Variants in IL21R observed in about 807,000 individuals in gnomAD.
IL21R encodes interleukin-21 receptor.
A neutral mutation model predicts 41.3 loss-of-function variants in IL21R; 14 were observed. The observed-to-expected ratio is 0.34, with a 90% CI of 0.22 to 0.53. The LOEUF is 0.53. Ranked by LOEUF, IL21R falls within the 20% of genes least tolerant of loss-of-function variation. The pLI is 0.94. For synonymous variants in IL21R, 286 were observed against 287.6 expected (o/e 0.99, Z 0.05); for missense variants, 588 against 681.6 (o/e 0.86, Z 1.53).
chr16:27,407,561 C>T (rs1366727146), intron 1 of IL21R, among the ~76,000 whole-genome samples: 2 of 152,238 alleles, frequency 1.3e-5, no homozygotes, highest in African/African-American at 2.4e-5. Flanking sequence ...TGCGGTGGCT[C>T]ATGCCTGTAA....
chr16:27,444,487 C>T, intron 5 of IL21R, 55 bp from the exon 6 acceptor site: 2 of 1,283,318 alleles, frequency 1.6e-6, no homozygotes, highest in Non-Finnish European at 2.1e-6. Context: ...CTGCTGGAGG[C>T]AGGGGCTGGC....
At chr16:27,448,250 T>C in intron 8 of IL21R, 1 of 332,630 alleles carries the variant, frequency 3.0e-6, no homozygotes, top group Non-Finnish European at 5.5e-6. Flanking sequence ...ACGTCAGGAG[T>C]TCAAGATCAG....
At chr16:27,433,381 G>C (rs1462265147) in intron 2 of IL21R, among the ~76,000 whole-genome samples, 3 of 152,138 alleles carry the variant, frequency 2.0e-5, no homozygotes, top group African/African-American at 4.8e-5. Flanking sequence ...TGGGAGGACT[G>C]CTTGAGCCCA....
rs375856184 is a variant in IL21R, at chr16:27,412,380, C to T, written c.-17+9762C>T. Among the ~76,000 whole-genome samples, 8 of 150,516 alleles carry T rather than the reference C, an allele frequency of 5.3e-5. 1 individual carries two copies. Among genetic ancestry groups the T allele is most frequent in the East Asian group, 3.9e-4 (2 of 5,092 alleles). On this transcript the variant is annotated intron_variant, in intron 1 of 8. Coordinates refer to ENST00000337929, the MANE Select transcript of IL21R (RefSeq NM_181078.3). ...AAATCAGGAAATGTGAGGCCTCCAG[C>T]TTTCTTCTCCTTCTCCTTCTCCTTC...
chr16:27,440,991 C>A (rs1187660781), intron 4 of IL21R, among the ~76,000 whole-genome samples: 3 of 136,932 alleles, frequency 2.2e-5, no homozygotes, highest in Non-Finnish European at 1.5e-5. Context: ...GTGGAGACTG[C>A]AGTGAGCTGA....
chr16:27,425,765 A>G (rs1195897721), intron 1 of IL21R, among the ~76,000 whole-genome samples: 2 of 152,092 alleles, frequency 1.3e-5, no homozygotes, highest in Admixed American at 1.3e-4. Context: ...CGTGTTGGCC[A>G]GGCTGGTCTC....
chr16:27,443,202 GAAC>G lies in IL21R; in HGVS notation c.507+91_507+93del, dbSNP rs1279612977. The stretch of plus-strand genomic sequence containing the variant: ...AGGCATCTGGGTGGGAGAGACGGGT[GAAC>G]AACATCATTCATGGCCAAGAACAGA... On this transcript the variant is annotated intron_variant, in intron 5 of 8. Transcript: ENST00000337929. 4 of 1,244,564 alleles carry G rather than the reference GAAC, an allele frequency of 3.2e-6. No individual in the cohort carries two copies. The African/African-American group carries it at 6.1e-5, about 19-fold the overall frequency. 77.1% of individuals were successfully genotyped at this position (1,244,564 alleles called of 1,614,324 possible).
intron 1 of IL21R, among the ~76,000 whole-genome samples, chr16:27,403,402 C>T (rs192912652): frequency 5.3e-5 from 8 of 152,106 alleles, no homozygotes; most frequent in Non-Finnish European, 1.0e-4. Flanking sequence ...AGACCAGGTG[C>T]GGGACATTCA....
chr16:27,411,302 T>A (rs1437911527), intron 1 of IL21R, among the ~76,000 whole-genome samples: 1 of 152,086 alleles, frequency 6.6e-6, no homozygotes, highest in Non-Finnish European at 1.5e-5. Flanking sequence ...TTCTTTTTTT[T>A]TATAATAACC....
chr16:27,426,894 G>T lies in IL21R; in HGVS notation c.-16-3162G>T, dbSNP rs549160780. On this transcript the variant is annotated intron_variant, in intron 1 of 8. Transcript: ENST00000337929. ...TCAACATGATTAAGCAACATAGGTG[G>T]TTTTTGGCTCATGGGAATGAGAAAT... 4.6e-5 allele frequency among the ~76,000 whole-genome samples: 7 copies of T among 152,238 alleles called. No homozygotes were observed. In the South Asian group the frequency reaches 1.5e-3, roughly 32 times the overall value.
At chr16:27,431,663 T>G (rs1306280397) in intron 2 of IL21R, among the ~76,000 whole-genome samples, 2 of 152,120 alleles carry the variant, frequency 1.3e-5, no homozygotes, top group Non-Finnish European at 2.9e-5. Flanking sequence ...TTTGCTTTTT[T>G]TTTTTGAGAC....
chr16:27,448,617 C>T lies in IL21R; in HGVS notation c.951C>T (p.Tyr317=), dbSNP rs1412851924. The change falls in exon 9 of 9, where the codon TAC becomes TAT. Residue 317 remains tyrosine, a synonymous_variant. Transcript: ENST00000337929. ...SPEVPSTLEV[Y]SCHPPRSPAK... ...AGGTGCCCTCCACCCTGGAGGTGTACAGCTGCCACCCACCACGGAGCCCGG... is the reference window on the plus strand; with the variant it reads ...AGGTGCCCTCCACCCTGGAGGTGTATAGCTGCCACCCACCACGGAGCCCGG... 1.9e-6 allele frequency: 3 copies of T among 1,613,064 alleles called. No individual in the cohort carries two copies. The highest frequency in any genetic ancestry group is 2.2e-5 in the East Asian group (1 of 44,876).
chr16:27,430,480 C>T (rs1212432726), intron 2 of IL21R, among the ~76,000 whole-genome samples: 1 of 152,208 alleles, frequency 6.6e-6, no homozygotes, highest in East Asian at 1.9e-4. Context: ...TCCATCTAAC[C>T]TCAGTTTCTC....
chr16:27,435,714 A>G lies in IL21R; in HGVS notation c.152+1265A>G, dbSNP rs3093334. 5.5e-3 allele frequency among the ~76,000 whole-genome samples: 837 copies of G among 151,956 alleles called. 9 individuals are homozygous for G. The highest frequency in any genetic ancestry group is 0.019 in the African/African-American group (800 of 41,422). ...AGCAATCTGCCCACCTCAGCCTCCC[A>G]AAGTGCTGGGATTACAGGTGTGAGC... On this transcript the variant is annotated intron_variant, in intron 3 of 8. Transcript: ENST00000337929.
chr16:27,407,501 T>C (rs552582849), intron 1 of IL21R, among the ~76,000 whole-genome samples: 1 of 152,270 alleles, frequency 6.6e-6, no homozygotes, highest in Non-Finnish European at 1.5e-5. Context: ...CCAAAGGCCC[T>C]GATGCAGGAA....
At chr16:27,429,471 C>G (rs1362782890) in intron 1 of IL21R, among the ~76,000 whole-genome samples, 1 of 152,036 alleles carries the variant, frequency 6.6e-6, no homozygotes, top group Non-Finnish European at 1.5e-5. Context: ...CAGTCTCCTC[C>G]CTCTTTAAAT....
intron 1 of IL21R, among the ~76,000 whole-genome samples, chr16:27,410,389 T>C (rs2086807366): frequency 6.6e-6 from 1 of 152,150 alleles, no homozygotes; most frequent in Non-Finnish European, 1.5e-5. Flanking sequence ...GGATATTTGA[T>C]TTTTTGATGC....
intron 1 of IL21R, chr16:27,402,999 C>T: frequency 2.4e-6 from 1 of 418,196 alleles, no homozygotes; most frequent in East Asian, 5.0e-5. Context: ...TGATGGGACC[C>T]ATTCTGTGTC....
chr16:27,424,884 G>T (rs528845191), intron 1 of IL21R, among the ~76,000 whole-genome samples: 1 of 152,212 alleles, frequency 6.6e-6, no homozygotes, highest in Non-Finnish European at 1.5e-5. Context: ...TGGTAAGGAG[G>T]CCCTCAGGGA....
Sources: gnomAD v4.1 joint callset for allele counts (sites outside exome capture counted in the v4.1 genomes callset) on GRCh38, gnomAD v4.1.1 for gene constraint, MANE v1.5 for transcripts, NCBI Gene and HGNC (gene_info 2026-07-23, HGNC 2026-07-21) for gene names.